Variants in SLC25A48 observed in about 807,000 individuals in gnomAD.
SLC25A48 encodes solute carrier family 25 member 48.
A neutral mutation model predicts 32.2 loss-of-function variants in SLC25A48; 29 were observed. The observed-to-expected ratio is 0.90, with a 90% CI of 0.67 to 1.23. SLC25A48 has a LOEUF of 1.23. SLC25A48 is among the 50% of genes most tolerant of loss of function. SLC25A48 has a pLI of 0.00. For synonymous variants in SLC25A48, 164 were observed against 172.3 expected (o/e 0.95, Z 0.38); for missense variants, 399 against 422.7 (o/e 0.94, Z 0.49).
At chr5:135,788,160 CGG>C (rs774783466) in intron 3 of SLC25A48, among the ~76,000 whole-genome samples, 4 of 149,218 alleles carry the variant, frequency 2.7e-5, no homozygotes, top group Non-Finnish European at 3.0e-5. Flanking sequence ...CCGTAATGTC[CGG>C]GGTGGGGGGA....
At chr5:135,614,723 T>C (rs1302069447) in intron 1 of SLC25A48, among the ~76,000 whole-genome samples, 2 of 152,224 alleles carry the variant, frequency 1.3e-5, no homozygotes, top group Non-Finnish European at 1.5e-5. Context: ...CTTGAATCCC[T>C]GGGATAAATC....
rs369191436 is a variant in SLC25A48, at chr5:135,617,547, A to T, written c.-848-11690A>T. On this transcript the variant is annotated intron_variant, in intron 1 of 10. Transcript: ENST00000646290. The stretch of plus-strand genomic sequence containing the variant: ...TTGGTTAGTTGAGGTTTACCATTAG[A>T]TTATTTGAAATCTTTCTACTTTTTT... 1.8e-4 allele frequency among the ~76,000 whole-genome samples: 27 copies of T among 151,576 alleles called. 1 individual carries two copies. The highest frequency in any genetic ancestry group is 6.3e-4 in the African/African-American group (26 of 41,302).
intron 3 of SLC25A48, among the ~76,000 whole-genome samples, chr5:135,738,449 G>A (rs1182222734): frequency 1.3e-5 from 2 of 152,208 alleles, no homozygotes; most frequent in Non-Finnish European, 2.9e-5. Context: ...GGGAAGAGGT[G>A]ACATTTGCTG....
chr5:135,680,744 G>C (rs144422210), intron 3 of SLC25A48, among the ~76,000 whole-genome samples: 239 of 152,260 alleles, frequency 1.6e-3, no homozygotes, highest in African/African-American at 5.4e-3. Context: ...TCTCCCACCA[G>C]GTCCCTCCCA....
Position 135,739,327 on chromosome 5 carries a change from C to T in SLC25A48, c.-520-73196C>T, listed in dbSNP as rs747128698. Among the ~76,000 whole-genome samples the T allele has an allele frequency of 4.6e-5, 7 of 152,208 alleles. No homozygotes were observed. The South Asian group carries it at 1.5e-3, about 32-fold the overall frequency. The stretch of plus-strand genomic sequence containing the variant: ...GAGATAGGGGTCTCACTTTGTACCC[C>T]AGGCTGGGAGTCGGTGACTTTTGTA... On this transcript the variant is annotated intron_variant, in intron 3 of 10. Transcript: ENST00000646290.
intron 3 of SLC25A48, among the ~76,000 whole-genome samples, chr5:135,654,856 C>A (rs1295531513): frequency 6.6e-6 from 1 of 152,246 alleles, no homozygotes; most frequent in African/African-American, 2.4e-5. Context: ...AGTTCTTCCA[C>A]ATAGACTGCG....
chr5:135,850,698 A>G (rs946987973), intron 3 of SLC25A48, among the ~76,000 whole-genome samples: 4 of 152,228 alleles, frequency 2.6e-5, no homozygotes, highest in Admixed American at 6.5e-5. Flanking sequence ...ACCACAGCAT[A>G]ACTGAGGAAA....
intron 3 of SLC25A48, among the ~76,000 whole-genome samples, chr5:135,664,477 T>A (rs6869671): frequency 1.8e-3 from 270 of 152,282 alleles, no homozygotes; most frequent in African/African-American, 6.3e-3. Context: ...GTACAAGTGG[T>A]TTTTGGTTAC....
At chr5:135,593,088 T>C (rs182335888) in intron 1 of SLC25A48, among the ~76,000 whole-genome samples, 3 of 152,274 alleles carry the variant, frequency 2.0e-5, no homozygotes, top group Admixed American at 1.3e-4. Context: ...TGTTTAATAG[T>C]GAGGGCTCAG....
At chr5:135,798,657 A>G (rs1014869115) in intron 3 of SLC25A48, among the ~76,000 whole-genome samples, 2 of 151,646 alleles carry the variant, frequency 1.3e-5, no homozygotes, top group Non-Finnish European at 2.9e-5. Context: ...CTAATATCAG[A>G]AGGTGAGAGG....
intron 3 of SLC25A48, among the ~76,000 whole-genome samples, chr5:135,725,777 T>G (rs1301754173): frequency 6.6e-6 from 1 of 152,140 alleles, no homozygotes; most frequent in Admixed American, 6.5e-5. Flanking sequence ...ACATCTCAGA[T>G]AGCTGTGTCC....
At chr5:135,634,512 G>T (rs1752653837) in intron 2 of SLC25A48, among the ~76,000 whole-genome samples, 1 of 152,214 alleles carries the variant, frequency 6.6e-6, no homozygotes, top group Non-Finnish European at 1.5e-5. Flanking sequence ...CTACCTTCCA[G>T]GAGCTCATGA....
At chr5:135,802,999 C>T (rs1757371609) in intron 3 of SLC25A48, 2 of 151,210 alleles carry the variant, frequency 1.3e-5, no homozygotes, top group Admixed American at 6.6e-5. Context: ...ACATTGTGTA[C>T]ACCTACTGTG....
chr5:135,789,265 AGGGGGTGTACACCC>A (rs1458557827), intron 3 of SLC25A48, among the ~76,000 whole-genome samples: 10 of 38,678 alleles, frequency 2.6e-4, no homozygotes, highest in African/African-American at 5.2e-4. Context: ...TCCATGTGGC[AGGGGGTGTACACCC>A]CCTGCCATAT....
chr5:135,736,687 C>A (rs773004089), intron 3 of SLC25A48, among the ~76,000 whole-genome samples: 1 of 152,084 alleles, frequency 6.6e-6, no homozygotes, highest in African/African-American at 2.4e-5. Flanking sequence ...TCAGACACCT[C>A]TGAAACATGG....
At chr5:135,642,081 A>G (rs1752852269) in intron 3 of SLC25A48, among the ~76,000 whole-genome samples, 1 of 152,244 alleles carries the variant, frequency 6.6e-6, no homozygotes, top group Non-Finnish European at 1.5e-5. Flanking sequence ...TGCTATGGAT[A>G]TGCCAAACCT....
chr5:135,666,375 A>G (rs190871849), intron 3 of SLC25A48, among the ~76,000 whole-genome samples: 63 of 152,338 alleles, frequency 4.1e-4, no homozygotes, highest in African/African-American at 1.5e-3. Context: ...TTTCAGTAAA[A>G]TACCCCGGGG....
At chr5:135,716,097 G>A (rs1754789665) in intron 3 of SLC25A48, among the ~76,000 whole-genome samples, 1 of 152,162 alleles carries the variant, frequency 6.6e-6, no homozygotes, top group South Asian at 2.1e-4. Flanking sequence ...ACCTGGTGGT[G>A]TATTCCTACA....
chr5:135,631,399 G>A (rs558828426), intron 2 of SLC25A48, among the ~76,000 whole-genome samples: 67 of 152,346 alleles, frequency 4.4e-4, no homozygotes, highest in African/African-American at 1.5e-3. Context: ...ATATGGAGGC[G>A]GAGCCATGGC....
Sources: gnomAD v4.1 joint callset for allele counts (sites outside exome capture counted in the v4.1 genomes callset) on GRCh38, gnomAD v4.1.1 for gene constraint, MANE v1.5 for transcripts, NCBI Gene and HGNC (gene_info 2026-07-23, HGNC 2026-07-21) for gene names.